Variants in LRRTM4 observed in about 807,000 individuals in gnomAD.
LRRTM4 encodes leucine rich repeat transmembrane neuronal 4.
LRRTM4 carries 25 observed loss-of-function variants against 47.6 expected under a neutral mutation model. The observed-to-expected ratio is 0.53, with a 90% CI of 0.38 to 0.73. LRRTM4 has a LOEUF of 0.73. Ranked by LOEUF, LRRTM4 falls within the 30% of genes least tolerant of loss-of-function variation. The pLI is 0.00. For synonymous variants in LRRTM4, 311 were observed against 269.5 expected, an observed-to-expected ratio of 1.15 and a Z score of -1.51; for missense variants, 638 against 713.4, an observed-to-expected ratio of 0.89 and a Z score of 1.20.
At position 77,121,838 on chromosome 2, in the gene LRRTM4, C is replaced by T. The variant is rs571985425; in HGVS notation, c.1552-372922G>A. Among the ~76,000 whole-genome samples, 29 of 151,992 alleles carry T rather than the reference C, an allele frequency of 1.9e-4. 1 individual carries two copies. In the East Asian group the frequency reaches 5.2e-3, roughly 27 times the overall value. The stretch of plus-strand genomic sequence containing the variant: ...GAAAGATAAGCAATGATTTAGACCA[C>T]TGTGTGGTGACCTCCCATTGCAATG... On this transcript the variant is annotated intron_variant, in intron 3 of 3. Transcript: ENST00000409884.
At chr2:77,226,122 T>C (rs1014864958) in intron 3 of LRRTM4, among the ~76,000 whole-genome samples, 1 of 151,824 alleles carries the variant, frequency 6.6e-6, no homozygotes, top group African/African-American at 2.4e-5. Context: ...TTATGTGTTA[T>C]GTATAATTTA....
At chr2:77,262,523 A>T (rs1675945691) in intron 3 of LRRTM4, among the ~76,000 whole-genome samples, 1 of 150,934 alleles carries the variant, frequency 6.6e-6, no homozygotes, top group African/African-American at 2.5e-5. Context: ...TTTCTGTTCT[A>T]GGATCCCATC....
intron 3 of LRRTM4, among the ~76,000 whole-genome samples, chr2:76,756,602 C>A (rs1231026070): frequency 6.6e-6 from 1 of 152,120 alleles, no homozygotes; most frequent in Admixed American, 6.5e-5. Context: ...TGTTTTATTT[C>A]TTGTTCATCT....
rs564787771 is a variant in LRRTM4 at position 76,915,517 on chromosome 2, T to A, written c.1552-166601A>T. On this transcript the variant is annotated intron_variant, in intron 3 of 3. Coordinates refer to ENST00000409884, the MANE Select transcript of LRRTM4 (RefSeq NM_001134745.3). ...CTGACATATTACTAGAGTTAATGGT[T>A]AAATTGAATGTTCTTGGACCTACCC... 2.3e-3 allele frequency among the ~76,000 whole-genome samples: 348 copies of A among 152,312 alleles called. 6 individuals are homozygous for A. The highest frequency in any genetic ancestry group is 6.0e-4 in the Non-Finnish European group (41 of 68,014).
At chr2:76,794,595 C>T (rs566417667) in intron 3 of LRRTM4, among the ~76,000 whole-genome samples, 20 of 152,238 alleles carry the variant, frequency 1.3e-4, no homozygotes, top group African/African-American at 3.9e-4. Flanking sequence ...TAACCAGGCA[C>T]CTATACCATT....
At chr2:77,262,777 G>A (rs975308751) in intron 3 of LRRTM4, among the ~76,000 whole-genome samples, 2 of 151,958 alleles carry the variant, frequency 1.3e-5, no homozygotes, top group African/African-American at 4.8e-5. Flanking sequence ...CAAGAGTACT[G>A]CAATATTGCG....
rs1266885553 is a variant in LRRTM4 at position 77,145,605 on chromosome 2, A to G, written c.1551+372713T>C. On this transcript the variant is annotated intron_variant, in intron 3 of 3. Transcript: ENST00000409884. ...AACATGGTGAAACCCTGTCTCTACT[A>G]AAAATACAAAAAAAAAAAATTAGCT... is the stretch of plus-strand genomic sequence containing the variant. Among the ~76,000 whole-genome samples the G allele has an allele frequency of 2.0e-5, 3 of 149,266 alleles. No homozygotes were observed. The East Asian group carries it at 5.9e-4, about 30-fold the overall frequency.
chr2:76,781,535 C>T (rs1674390945), intron 3 of LRRTM4, among the ~76,000 whole-genome samples: 1 of 152,234 alleles, frequency 6.6e-6, no homozygotes, highest in Non-Finnish European at 1.5e-5. Flanking sequence ...GGTGCATCAC[C>T]CCTTTCTTTG....
intron 3 of LRRTM4, among the ~76,000 whole-genome samples, chr2:77,412,550 G>A (rs1046363427): frequency 1.3e-5 from 2 of 152,210 alleles, no homozygotes; most frequent in Admixed American, 6.5e-5. Context: ...AAGGAAATGC[G>A]GCTGCTTGGA....
intron 3 of LRRTM4, among the ~76,000 whole-genome samples, chr2:76,806,222 G>A (rs6726270): frequency 0.47 from 71,662 of 151,992 alleles, 18,363 homozygotes; most frequent in East Asian, 0.74. Context: ...AAGGAAAAGT[G>A]GAACCTACCT....
chr2:76,924,656 A>G (rs779410485), intron 3 of LRRTM4, among the ~76,000 whole-genome samples: 1 of 151,880 alleles, frequency 6.6e-6, no homozygotes, highest in Non-Finnish European at 1.5e-5. Flanking sequence ...TGAGCGTAAT[A>G]CAAATTTTGC....
intron 3 of LRRTM4, among the ~76,000 whole-genome samples, chr2:76,798,105 A>G (rs1675450462): frequency 6.6e-6 from 1 of 151,888 alleles, no homozygotes; most frequent in Non-Finnish European, 1.5e-5. Flanking sequence ...CAGACCTAAT[A>G]GACATCTACT....
intron 3 of LRRTM4, among the ~76,000 whole-genome samples, chr2:77,457,879 C>G (rs916338078): frequency 6.6e-6 from 1 of 152,230 alleles, no homozygotes; most frequent in Non-Finnish European, 1.5e-5. Flanking sequence ...GTAAGAGATG[C>G]CTTCCTGGAT....
chr2:77,011,587 G>T, intron 3 of LRRTM4, among the ~76,000 whole-genome samples: 1 of 148,532 alleles, frequency 6.7e-6, no homozygotes. Flanking sequence ...GTAGAATGAA[G>T]AAAATGTGAA....
At chr2:76,941,385 T>C (rs528354067) in intron 3 of LRRTM4, among the ~76,000 whole-genome samples, 115 of 152,256 alleles carry the variant, frequency 7.6e-4, no homozygotes, top group Non-Finnish European at 1.4e-3. Context: ...TACATAGGTA[T>C]ACATGTGCCA....
chr2:77,075,092 T>C (rs1368181114), intron 3 of LRRTM4, among the ~76,000 whole-genome samples: 1 of 152,202 alleles, frequency 6.6e-6, no homozygotes. Context: ...TTTATTTTAT[T>C]GTCATCAATA....
intron 3 of LRRTM4, among the ~76,000 whole-genome samples, chr2:77,378,477 A>T (rs768697360): frequency 2.2e-4 from 34 of 152,140 alleles, no homozygotes; most frequent in Non-Finnish European, 5.0e-4. Flanking sequence ...ATCTTTCAAA[A>T]GAAAATTCAC....
intron 3 of LRRTM4, among the ~76,000 whole-genome samples, chr2:77,365,938 C>T (rs1672431460): frequency 6.8e-6 from 1 of 147,918 alleles, no homozygotes; most frequent in Non-Finnish European, 1.5e-5. Flanking sequence ...ATTTATTTTT[C>T]CTACATTATA....
intron 3 of LRRTM4, among the ~76,000 whole-genome samples, chr2:77,204,607 A>G (rs1012884786): frequency 3.9e-5 from 6 of 152,124 alleles, no homozygotes; most frequent in Non-Finnish European, 7.3e-5. Context: ...CTATCATGCT[A>G]TCTTGAGTCA....
Sources: gnomAD v4.1 joint callset for allele counts (sites outside exome capture counted in the v4.1 genomes callset) on GRCh38, gnomAD v4.1.1 for gene constraint, MANE v1.5 for transcripts, NCBI Gene and HGNC (gene_info 2026-07-23, HGNC 2026-07-21) for gene names.